The following AKAP3 variants were observed in gnomAD, a reference collection of about 807,000 sequenced individuals.
AKAP3 encodes the protein A-kinase anchoring protein 3.
A neutral mutation model predicts 57.2 loss-of-function variants in AKAP3; 27 were observed. The observed-to-expected ratio is 0.47, with a 90% confidence interval of 0.35 to 0.65. The LOEUF is 0.65. AKAP3 is among the 30% of genes least tolerant of loss of function. AKAP3 has a pLI of 0.01. For missense variants in AKAP3, 959 were observed against 1,040.0 expected (o/e 0.92, Z 1.07); for synonymous variants, 334 against 392.3 (o/e 0.85, Z 1.76).
intron 4 of AKAP3, among the ~76,000 whole-genome samples, chr12:4,630,525 C>T (rs1215344783): frequency 6.6e-6 from 1 of 152,184 alleles, no homozygotes; most frequent in African/African-American, 2.4e-5. Context: ...GTTTAAGTGG[C>T]TTGTTATCAT....
At chr12:4,635,053 T>G (rs528042575) in intron 4 of AKAP3, among the ~76,000 whole-genome samples, 1 of 152,162 alleles carries the variant, frequency 6.6e-6, no homozygotes, top group African/African-American at 2.4e-5. Flanking sequence ...TGGGTCCAGA[T>G]AGTCATTTGT....
Position 4,631,201 on chromosome 12 carries a change from G to T in AKAP3, c.97-2396C>A. ...TGGTGGCAGCAATGATTGGAAATTT[G>T]ATTTTATGTCTGACCATTTGGTAAT... On this transcript the variant is annotated intron_variant, in intron 4 of 5. Coordinates refer to ENST00000228850, the MANE Select transcript of AKAP3 (RefSeq NM_001278309.2). 3 of 535,372 alleles carry T rather than the reference G, an allele frequency of 5.6e-6. No individual in the cohort carries two copies. The South Asian group carries it at 8.0e-5, about 14-fold the overall frequency. The allele number at this position is 535,372 out of a possible 1,614,324, so 33.2% of individuals were successfully genotyped here.
At chr12:4,621,361 T>G (rs11608761) in intron 5 of AKAP3, among the ~76,000 whole-genome samples, 57,580 of 151,982 alleles carry the variant, frequency 0.38, 11,489 homozygotes, top group East Asian at 0.74. Flanking sequence ...TGAACAGTAA[T>G]GTCCTAGGCC....
At chr12:4,643,543 A>T (rs1372838705) in intron 2 of AKAP3, among the ~76,000 whole-genome samples, 1 of 152,264 alleles carries the variant, frequency 6.6e-6, no homozygotes, top group Non-Finnish European at 1.5e-5. Context: ...CTTATAGATT[A>T]GGATATTGAG....
intron 4 of AKAP3, among the ~76,000 whole-genome samples, chr12:4,636,828 CG>C (rs1291632815): frequency 3.9e-5 from 6 of 152,130 alleles, no homozygotes; most frequent in African/African-American, 1.4e-4. Context: ...CAGCTCACTA[CG>C]ACCTCAAACT....
chr12:4,640,063 G>A (rs1480312325), intron 3 of AKAP3, among the ~76,000 whole-genome samples: 2 of 152,002 alleles, frequency 1.3e-5, no homozygotes, highest in African/African-American at 2.4e-5. Flanking sequence ...TGATCCACCC[G>A]CCTCGGCCTC....
chr12:4,623,472 T>C (rs1365155101), intron 5 of AKAP3, among the ~76,000 whole-genome samples: 1 of 152,176 alleles, frequency 6.6e-6, no homozygotes, highest in Non-Finnish European at 1.5e-5. Flanking sequence ...ATGGATGCAG[T>C]TGGAGGCCAT....
chr12:4,620,734 G>A (rs971282798), intron 5 of AKAP3, among the ~76,000 whole-genome samples: 1 of 152,044 alleles, frequency 6.6e-6, no homozygotes, highest in Non-Finnish European at 1.5e-5. Context: ...TCACTTGTTT[G>A]GGGGGATGCT....
At chr12:4,621,300 T>A (rs942968671) in intron 5 of AKAP3, among the ~76,000 whole-genome samples, 1 of 152,182 alleles carries the variant, frequency 6.6e-6, no homozygotes, top group Non-Finnish European at 1.5e-5. Flanking sequence ...AAAAATATTT[T>A]AAAATATTTA....
At chr12:4,642,475 C>A (rs980363816) in intron 2 of AKAP3, among the ~76,000 whole-genome samples, 4 of 152,160 alleles carry the variant, frequency 2.6e-5, no homozygotes, top group Non-Finnish European at 5.9e-5. Context: ...GATTAATTAA[C>A]TTCCTTGTTT....
At chr12:4,631,964 A>T (rs1215899782) in intron 4 of AKAP3, among the ~76,000 whole-genome samples, 1 of 152,246 alleles carries the variant, frequency 6.6e-6, no homozygotes, top group Non-Finnish European at 1.5e-5. Context: ...AGATTATGAA[A>T]AATGTAAATT....
At chr12:4,622,987 G>T (rs1945364029) in intron 5 of AKAP3, among the ~76,000 whole-genome samples, 1 of 152,144 alleles carries the variant, frequency 6.6e-6, no homozygotes. Context: ...CTTTGCAAAA[G>T]AAGACATACG....
chr12:4,615,614 A>G lies in AKAP3; in HGVS notation c.*125T>C. Reference sequence around the variant, plus strand: ...CACAAGATGACATGTCTTTGATGAGAGTGGTGTGAAGATAATGTTAGGGCT... The same window carrying G: ...CACAAGATGACATGTCTTTGATGAGGGTGGTGTGAAGATAATGTTAGGGCT... On this transcript the variant is annotated 3_prime_UTR_variant, in exon 6 of 6. Transcript: ENST00000228850. 3 of 1,200,384 alleles carry G rather than the reference A, an allele frequency of 2.5e-6. No individual in the cohort carries two copies. Among genetic ancestry groups the G allele is most frequent in the Non-Finnish European group, 3.5e-6 (3 of 864,740 alleles). The allele number at this position is 1,200,384 out of a possible 1,614,324, so 74.4% of individuals were successfully genotyped here. A position where few individuals can be genotyped will look rare whatever the true frequency, so the allele number is the denominator to read the frequency against.
At chr12:4,624,098 G>A (rs769774644) in intron 5 of AKAP3, among the ~76,000 whole-genome samples, 7 of 151,980 alleles carry the variant, frequency 4.6e-5, no homozygotes, top group African/African-American at 7.3e-5. Flanking sequence ...GTATATTCAA[G>A]GATATTCAGT....
chr12:4,641,832 C>T (rs1288524188), intron 3 of AKAP3, 67 bp downstream of exon 3: 1 of 152,104 alleles, frequency 6.6e-6, no homozygotes, highest in African/African-American at 2.4e-5. Context: ...TTGCTTTATT[C>T]AAGCTATATA....
intron 4 of AKAP3, among the ~76,000 whole-genome samples, chr12:4,629,756 T>A (rs921239670): frequency 6.6e-6 from 1 of 152,240 alleles, no homozygotes; most frequent in African/African-American, 2.4e-5. Flanking sequence ...TTTATTTCGA[T>A]CTTATTACAA....
intron 4 of AKAP3, 22 bp from the exon 5 acceptor site, chr12:4,628,827 A>G (rs987387923): frequency 2.5e-6 from 4 of 1,584,686 alleles, no homozygotes; most frequent in Non-Finnish European, 3.4e-6. Context: ...ACAAGGATTC[A>G]TCTGACTATA....
At chr12:4,635,818 A>G (rs1169287802) in intron 4 of AKAP3, 1 of 686,078 alleles carries the variant, frequency 1.5e-6, no homozygotes, top group Non-Finnish European at 2.7e-6. Context: ...TTTGGGTTAG[A>G]AAATCAGCTG....
At position 4,626,809 on chromosome 12, in the gene AKAP3, T is replaced by C. The variant is rs1228682773; in HGVS notation, c.2093A>G (p.Asp698Gly). ...TAGCCTACTGGCATCTCCAGACTTG[T>C]CATCTCCCAGCTCTGCCAACGAAGC... ...CDASLAELGD[D>G]KSGDASRLTS... Residue 698 changes from aspartate (D) to glycine (G), a missense_variant, in exon 5 of 6, where the codon GAC (aspartate) becomes GGC (glycine). Coordinates refer to ENST00000228850, the MANE Select transcript of AKAP3 (RefSeq NM_001278309.2). 1 of 1,614,058 alleles carries C rather than the reference T, an allele frequency of 6.2e-7. No homozygotes were observed. Among genetic ancestry groups the C allele is most frequent in the African/African-American group, 1.3e-5 (1 of 74,934 alleles).
Sources: gnomAD v4.1 joint callset for allele counts (sites outside exome capture counted in the v4.1 genomes callset) on GRCh38, gnomAD v4.1.1 for gene constraint, MANE v1.5 for transcripts, NCBI Gene and HGNC (gene_info 2026-07-23, HGNC 2026-07-21) for gene names.